The following ANAPC5 variants were observed in gnomAD, a reference collection of about 807,000 sequenced individuals.
ANAPC5 encodes the protein anaphase promoting complex subunit 5, also known as anaphase-promoting complex subunit 5.
Under a neutral mutation model 91.3 loss-of-function variants are expected in ANAPC5, and 60 were observed. The ratio of observed to expected loss-of-function variants is 0.66; its 90% CI spans 0.53 to 0.81. The LOEUF (loss-of-function observed/expected upper bound fraction) is 0.81. ANAPC5 is among the 40% of genes least tolerant of loss of function. The pLI is 0.00. For missense variants in ANAPC5, 690 were observed against 931.5 expected (o/e 0.74, Z 3.37); for synonymous variants, 340 against 364.1 (o/e 0.93, Z 0.75).
intron 11 of ANAPC5, among the ~76,000 whole-genome samples, chr12:121,323,983 A>G (rs1289805139): frequency 1.3e-5 from 2 of 152,078 alleles, no homozygotes; most frequent in Admixed American, 1.3e-4. Context: ...GAATGGTTAT[A>G]TTAGAAAAAG....
rs1566198692 is a variant in ANAPC5, at chr12:121,347,852, G to A, written c.237C>T (p.Tyr79=). The A allele has an allele frequency of 6.8e-6, 11 of 1,613,646 alleles. No homozygotes were observed. The highest frequency in any genetic ancestry group is 1.1e-5 in the South Asian group (1 of 91,074). The change falls in exon 2 of 17, where the codon TAC becomes TAT. Residue 79 remains tyrosine, a synonymous_variant. Transcript: ENST00000261819. ...QGPDITLSKL[Y]KLIEESCPQL... ...GTGGACAAGACTCTTCAATTAACTTGTAAAGTTTTGACAGTGTAATATCTG... is the reference window on the plus strand; with the variant it reads ...GTGGACAAGACTCTTCAATTAACTTATAAAGTTTTGACAGTGTAATATCTG...
chr12:121,323,212 T>G (rs1334276469), intron 11 of ANAPC5, among the ~76,000 whole-genome samples: 1 of 152,248 alleles, frequency 6.6e-6, no homozygotes, highest in East Asian at 1.9e-4. Context: ...AAGTAGTACC[T>G]TAACTGCTTT....
rs377411877 is a variant in ANAPC5 at position 121,318,914 on chromosome 12, G to C, written c.1638-306C>G. Among the ~76,000 whole-genome samples, 25 of 152,222 alleles carry C rather than the reference G, an allele frequency of 1.6e-4. No individual in the cohort carries two copies. The East Asian group carries it at 3.9e-3, about 24-fold the overall frequency. On this transcript the variant is annotated intron_variant, in intron 13 of 16. Transcript: ENST00000261819. ...GGGCACCTGTAATCCCAGCTACTCA[G>C]AAGGCTGAGGCAGGAGAATCGCTTG...
At chr12:121,310,898 C>T (rs750766324) in intron 15 of ANAPC5, among the ~76,000 whole-genome samples, 4 of 140,236 alleles carry the variant, frequency 2.9e-5, no homozygotes, top group Non-Finnish European at 6.0e-5. Flanking sequence ...CACACCACTG[C>T]ACTCCAGCCT....
intron 1 of ANAPC5, among the ~76,000 whole-genome samples, chr12:121,350,760 A>G (rs1263058031): frequency 1.3e-5 from 2 of 152,012 alleles, no homozygotes; most frequent in Non-Finnish European, 2.9e-5. Flanking sequence ...AAAACTACTC[A>G]GGCATTCTAG....
rs368194221 is a variant in ANAPC5 at position 121,331,469 on chromosome 12, A to G, written c.951-41T>C. The G allele has an allele frequency of 2.0e-5, 30 of 1,521,884 alleles. No individual in the cohort carries two copies. The African/African-American group carries it at 2.5e-4, about 12-fold the overall frequency. The allele number at this position is 1,521,884 out of a possible 1,614,324, so 94.3% of individuals were successfully genotyped here. A position where few individuals can be genotyped will look rare whatever the true frequency, so the allele number is the denominator to read the frequency against. On this transcript the variant is annotated intron_variant, in intron 7 of 16. Coordinates refer to ENST00000261819, the MANE Select transcript of ANAPC5 (RefSeq NM_016237.5). ...ACATTAATATCCCATTAATAATCACAAACATGCATAAGCAACCATAGCAGG... is the reference window on the plus strand; with the variant it reads ...ACATTAATATCCCATTAATAATCACGAACATGCATAAGCAACCATAGCAGG...
chr12:121,335,620 C>T lies in ANAPC5; in HGVS notation c.863G>A (p.Ser288Asn). Reference sequence around the variant, plus strand: ...ATAGCCCTCTTCCCCATTACTTTTGCTTTCGGCTCCGGTAAGAATCAGACG... The same window carrying T: ...ATAGCCCTCTTCCCCATTACTTTTGTTTTCGGCTCCGGTAAGAATCAGACG... ...FDRLILTGAE[S>N]KSNGEEGYGR... is the part of the protein sequence containing the mutation. The change falls in exon 7 of 17, where the codon AGC (serine) becomes AAC (asparagine). Residue 288 changes from serine to asparagine, a missense_variant. Ser to Asn is a conservative substitution (Grantham distance 46, BLOSUM62 1). Around this residue, in one of 5 missense-constraint regions of ANAPC5, gnomAD observed 83 missense variants for 150.8 expected, o/e 0.55. Coordinates refer to ENST00000261819, the MANE Select transcript of ANAPC5 (RefSeq NM_016237.5). 6.2e-7 allele frequency: 1 copy of T among 1,614,120 alleles called. No homozygotes were observed. The highest frequency in any genetic ancestry group is 8.5e-7 in the Non-Finnish European group (1 of 1,179,960).
chr12:121,329,835 G>A (rs972261162), intron 9 of ANAPC5, among the ~76,000 whole-genome samples: 4 of 151,126 alleles, frequency 2.6e-5, no homozygotes, highest in Admixed American at 6.6e-5. Flanking sequence ...GGCTAGTCAC[G>A]AACTCCTGAC....
intron 16 of ANAPC5, among the ~76,000 whole-genome samples, chr12:121,309,035 G>A (rs1902053328): frequency 6.6e-6 from 1 of 151,222 alleles, no homozygotes; most frequent in South Asian, 2.1e-4. Context: ...TGTAATCCCA[G>A]CTACTTGGGA....
intron 15 of ANAPC5, chr12:121,317,758 A>G (rs2942067): frequency 0.28 from 41,971 of 152,180 alleles, 10,310 homozygotes; most frequent in African/African-American, 0.66. Flanking sequence ...CTTCCAGTGC[A>G]TTTGACCTTC....
Position 121,308,344 on chromosome 12 carries a change from A to C in ANAPC5, c.*136T>G. 1.4e-6 allele frequency: 1 copy of C among 725,658 alleles called. No homozygotes were observed. Among genetic ancestry groups the C allele is most frequent in the Admixed American group, 2.8e-5 (1 of 35,688 alleles). 45.0% of individuals were successfully genotyped at this position (725,658 alleles called of 1,614,324 possible). On this transcript the variant is annotated 3_prime_UTR_variant, in exon 17 of 17. Coordinates refer to ENST00000261819, the MANE Select transcript of ANAPC5 (RefSeq NM_016237.5). ...AACAAATACGTAGTTACTAGCAACA[A>C]AATAAGACAAACTAATCAGAATGCT...
At chr12:121,340,735 T>G (rs537697312) in intron 5 of ANAPC5, among the ~76,000 whole-genome samples, 57 of 150,184 alleles carry the variant, frequency 3.8e-4, no homozygotes, top group African/African-American at 1.4e-3. Flanking sequence ...GTGTGTGTGT[T>G]TTTTTTAGCA....
chr12:121,330,837 CA>C, intron 8 of ANAPC5, 165 bp from the exon 9 acceptor site: 1 of 562,746 alleles, frequency 1.8e-6, no homozygotes, highest in Admixed American at 3.3e-5. Flanking sequence ...TCAAACATAT[CA>C]ACATCATTAA....
intron 5 of ANAPC5, among the ~76,000 whole-genome samples, chr12:121,340,851 T>C (rs541872564): frequency 1.3e-5 from 2 of 150,134 alleles, no homozygotes; most frequent in South Asian, 4.4e-4. Context: ...TGAGCCACCA[T>C]GCCCAGCCTC....
upstream of ANAPC5, chr12:121,352,413 G>T: frequency 2.4e-6 from 3 of 1,231,084 alleles, no homozygotes; most frequent in Non-Finnish European, 2.3e-6. Flanking sequence ...AACACTACCG[G>T]GTCTACATCT....
intron 11 of ANAPC5, among the ~76,000 whole-genome samples, chr12:121,322,784 A>T (rs971965769): frequency 1.4e-4 from 22 of 152,300 alleles, no homozygotes; most frequent in African/African-American, 5.3e-4. Context: ...GCACTCTGGG[A>T]GGCCAAGGAG....
chr12:121,322,153 C>T lies in ANAPC5; in HGVS notation c.1441-1694G>A, dbSNP rs575054410. Among the ~76,000 whole-genome samples the T allele has an allele frequency of 4.7e-5, 7 of 150,222 alleles. No individual in the cohort carries two copies. In the South Asian group the frequency reaches 6.4e-4, roughly 14 times the overall value. ...TGCTGGGATTACAGGCGTGAGCCAC[C>T]GCACCTGGCCTGTTTTTTTTTTTGA... On this transcript the variant is annotated intron_variant, in intron 11 of 16. Transcript: ENST00000261819.
intron 6 of ANAPC5, among the ~76,000 whole-genome samples, chr12:121,336,244 C>T (rs1471638022): frequency 6.6e-6 from 1 of 151,868 alleles, no homozygotes; most frequent in African/African-American, 2.4e-5. Context: ...TATATTTCTG[C>T]ACCCAAAGTC....
intron 10 of ANAPC5, chr12:121,327,753 T>C (rs1209646034): frequency 5.1e-5 from 8 of 155,636 alleles, no homozygotes; most frequent in African/African-American, 1.9e-4. Flanking sequence ...AGGATTAAAA[T>C]GCGGCAACAA....
Sources: allele counts gnomAD v4.1 joint callset (sites outside exome capture counted in the v4.1 genomes callset), GRCh38; gene constraint gnomAD v4.1.1; regional missense constraint gnomAD v4.1.1; transcripts MANE v1.5; gene names NCBI Gene and HGNC (gene_info 2026-07-23, HGNC 2026-07-21).